Variants in OSBPL6 observed in about 807,000 individuals in gnomAD.
OSBPL6 encodes oxysterol binding protein like 6.
Under a neutral mutation model 125.8 loss-of-function variants are expected in OSBPL6, and 49 were observed. That is an observed-to-expected ratio of 0.39 (90% CI 0.31 to 0.49). The LOEUF (loss-of-function observed/expected upper bound fraction) is 0.49. OSBPL6 is among the 20% of genes least tolerant of loss of function. OSBPL6 has a pLI of 0.88. For missense variants in OSBPL6, 986 were observed against 1,135.4 expected (o/e 0.87, Z 1.89); for synonymous variants, 394 against 391.8 (o/e 1.01, Z -0.07).
intron 13 of OSBPL6, among the ~76,000 whole-genome samples, chr2:178,366,515 T>C (rs1029333744): frequency 3.9e-5 from 6 of 152,074 alleles, no homozygotes; most frequent in South Asian, 2.1e-4. Flanking sequence ...TGTGCATTAC[T>C]GAGAAAAGGA....
At chr2:178,371,188 T>A (rs1319835660) in intron 13 of OSBPL6, among the ~76,000 whole-genome samples, 1 of 152,222 alleles carries the variant, frequency 6.6e-6, no homozygotes, top group African/African-American at 2.4e-5. Context: ...TCTCTGGGCC[T>A]TGTCTTCTCA....
At chr2:178,388,606 G>A (rs917990444) in intron 20 of OSBPL6, among the ~76,000 whole-genome samples, 9 of 152,132 alleles carry the variant, frequency 5.9e-5, no homozygotes, top group Admixed American at 1.3e-4. Flanking sequence ...GTGCTTACAC[G>A]AAACCCAGCC....
intron 1 of OSBPL6, among the ~76,000 whole-genome samples, chr2:178,283,604 G>A (rs149681515): frequency 1.3e-5 from 2 of 150,154 alleles, no homozygotes; most frequent in Admixed American, 1.3e-4. Flanking sequence ...TTATTCTCTT[G>A]TAAAAATACT....
intron 6 of OSBPL6, 92 bp from the exon 7 acceptor site, chr2:178,332,549 A>G: frequency 6.8e-6 from 6 of 881,694 alleles, no homozygotes. Context: ...TCCCATAGAT[A>G]AGTTAAAGAT....
At chr2:178,357,270 G>A (rs1691884034) in intron 12 of OSBPL6, among the ~76,000 whole-genome samples, 3 of 152,322 alleles carry the variant, frequency 2.0e-5, no homozygotes, top group South Asian at 4.1e-4. Flanking sequence ...CTTCTGCACA[G>A]CGAAAGAAAC....
chr2:178,391,627 A>G (rs1040990927), intron 22 of OSBPL6, among the ~76,000 whole-genome samples: 9 of 152,224 alleles, frequency 5.9e-5, no homozygotes, highest in Admixed American at 1.3e-4. Context: ...CACAAATTCA[A>G]TAACTCACCA....
rs747591487 is a variant in OSBPL6, at chr2:178,395,447, A to G, written c.2697-4A>G. ...GACTAATGTTGATGTTTATATTTTC[A>G]CAGAAAAGTTATTGATGCCAATCAA... On this transcript the variant is annotated splice_region_variant and splice_polypyrimidine_tract_variant and intron_variant, in intron 24 of 24. Transcript: ENST00000190611. 1 of 1,607,506 alleles carries G rather than the reference A, an allele frequency of 6.2e-7. No individual in the cohort carries two copies. The highest frequency in any genetic ancestry group is 1.7e-5 in the Admixed American group (1 of 59,754).
intron 1 of OSBPL6, among the ~76,000 whole-genome samples, chr2:178,216,407 A>C (rs1424519974): frequency 6.6e-6 from 1 of 152,222 alleles, no homozygotes. Context: ...TGGGAAAACT[A>C]GAGTGTCAAA....
chr2:178,241,416 C>CT lies in OSBPL6; in HGVS notation c.-350-43496dup, dbSNP rs142847395. Among the ~76,000 whole-genome samples, 539 of 134,382 alleles carry CT rather than the reference C, an allele frequency of 4.0e-3. 6 individuals carry two copies. The highest frequency in any genetic ancestry group is 0.024 in the Admixed American group (317 of 13,430). 88.2% of individuals were successfully genotyped at this position (134,382 alleles called of 152,430 possible). On this transcript the variant is annotated intron_variant, in intron 1 of 24. Coordinates refer to ENST00000190611, the MANE Select transcript of OSBPL6 (RefSeq NM_032523.4). ...TGTGAGCCACTGCACCCGGCCAGGG[C>CT]TTTTTTTTTTTTTTTCTGAGACATG...
At chr2:178,297,774 G>A (rs779910841) in intron 2 of OSBPL6, among the ~76,000 whole-genome samples, 3 of 152,174 alleles carry the variant, frequency 2.0e-5, no homozygotes, top group Non-Finnish European at 4.4e-5. Flanking sequence ...GATGAAACTT[G>A]ACCACAAAAT....
intron 1 of OSBPL6, among the ~76,000 whole-genome samples, chr2:178,222,598 T>C (rs1047901610): frequency 6.6e-6 from 1 of 152,134 alleles, no homozygotes; most frequent in African/African-American, 2.4e-5. Context: ...AGCAGAGATC[T>C]ATCTCGCCAT....
chr2:178,373,909 T>C lies in OSBPL6; in HGVS notation c.1415T>C (p.Val472Ala), dbSNP rs763233814. The C allele has an allele frequency of 6.2e-7, 1 of 1,614,098 alleles. No individual in the cohort carries two copies. Among genetic ancestry groups the C allele is most frequent in the Admixed American group, 1.7e-5 (1 of 60,022 alleles). ...SPDEAGEQIH[V>A]SLPLSQQVAN... Reference sequence around the variant, plus strand: ...CTGCAGGCTGGTGAGCAAATCCATGTCAGTCTCCCCTTATCACAGCAAGTA... The same window carrying C: ...CTGCAGGCTGGTGAGCAAATCCATGCCAGTCTCCCCTTATCACAGCAAGTA... The change falls in exon 15 of 25, where the codon GTC (valine) becomes GCC (alanine). Residue 472 changes from valine (V) to alanine (A), a missense_variant. Around this residue, in one of 3 missense-constraint regions of OSBPL6, gnomAD observed 843 missense variants for 997.3 expected, o/e 0.85. Transcript: ENST00000190611.
At chr2:178,305,929 G>C (rs538219476) in intron 2 of OSBPL6, 101 bp from the exon 3 acceptor site, 178 of 246,274 alleles carry the variant, frequency 7.2e-4, no homozygotes, top group African/African-American at 3.6e-3. Context: ...ATGTGTCAGA[G>C]TTCCTCCTCT....
chr2:178,241,908 C>G (rs1256952423), intron 1 of OSBPL6, among the ~76,000 whole-genome samples: 1 of 152,112 alleles, frequency 6.6e-6, no homozygotes, highest in Non-Finnish European at 1.5e-5. Context: ...TCTACATATA[C>G]AAATACCATG....
At chr2:178,266,892 TA>T (rs970791830) in intron 1 of OSBPL6, among the ~76,000 whole-genome samples, 37 of 152,206 alleles carry the variant, frequency 2.4e-4, no homozygotes, top group African/African-American at 8.2e-4. Context: ...AAGTTGCACT[TA>T]AAAAAATACT....
chr2:178,247,333 T>C (rs949857294), intron 1 of OSBPL6, among the ~76,000 whole-genome samples: 18 of 152,320 alleles, frequency 1.2e-4, no homozygotes, highest in African/African-American at 4.1e-4. Flanking sequence ...TTCTCCAAAA[T>C]GCTTGTGTGA....
intron 17 of OSBPL6, among the ~76,000 whole-genome samples, chr2:178,383,811 A>G (rs1694700137): frequency 6.6e-6 from 1 of 152,152 alleles, no homozygotes; most frequent in African/African-American, 2.4e-5. Context: ...AGGGTGAAAA[A>G]TGCTTCACCT....
chr2:178,225,827 A>C (rs1282035615), intron 1 of OSBPL6, among the ~76,000 whole-genome samples: 2 of 152,224 alleles, frequency 1.3e-5, no homozygotes, highest in African/African-American at 2.4e-5. Flanking sequence ...ACCCACCTTC[A>C]TGATTCAGTC....
chr2:178,228,960 T>C (rs925886269), intron 1 of OSBPL6, among the ~76,000 whole-genome samples: 1 of 152,212 alleles, frequency 6.6e-6, no homozygotes, highest in Admixed American at 6.5e-5. Flanking sequence ...ACTAGGTAAT[T>C]TATACAGAAA....
Sources: allele counts gnomAD v4.1 joint callset (sites outside exome capture counted in the v4.1 genomes callset), GRCh38; gene constraint gnomAD v4.1.1; regional missense constraint gnomAD v4.1.1; transcripts MANE v1.5; gene names NCBI Gene and HGNC (gene_info 2026-07-23, HGNC 2026-07-21).